CIB1: variants seen among roughly 807,000 people sequenced by gnomAD.
The protein encoded by CIB1 is calcium and integrin binding 1, also known as calcium and integrin-binding protein 1.
Under a neutral mutation model 25.0 loss-of-function variants are expected in CIB1, and 19 were observed. The observed-to-expected ratio is 0.76, with a 90% CI of 0.53 to 1.12. CIB1 has a LOEUF of 1.12. CIB1 is among the 50% of genes most tolerant of loss of function. The pLI is 0.00. For synonymous variants in CIB1, 104 were observed against 98.5 expected, an observed-to-expected ratio of 1.06 and a Z score of -0.33; for missense variants, 236 against 242.6, an observed-to-expected ratio of 0.97 and a Z score of 0.18.
chr15:90,257,422 C>T, the CIB1 span: 25 of 1,299,188 alleles, frequency 1.9e-5, no homozygotes, highest in Non-Finnish European at 2.6e-5. Context: ...AGCTGGGAGG[C>T]AAGTGTTTGG....
chr15:90,233,741 T>C, intron 1 of CIB1, 38 bp from the exon 2 acceptor site: 2 of 1,558,994 alleles, frequency 1.3e-6, no homozygotes, highest in Middle Eastern at 1.8e-4. Flanking sequence ...AGCGGACCGC[T>C]GGGAGGCCGC....
the CIB1 span, chr15:90,253,478 G>T: frequency 1.6e-6 from 1 of 634,474 alleles, no homozygotes. Context: ...GTCCCCTTGT[G>T]CAGACAAGAA....
chr15:90,256,100 G>T, the CIB1 span: 1 of 1,606,452 alleles, frequency 6.2e-7, no homozygotes, highest in South Asian at 1.1e-5. Flanking sequence ...GGAAAGCCTT[G>T]ATGCACAGAA....
rs373499226 is a variant in CIB1, at chr15:90,230,438, A to G, written c.*46T>C. ...TTGACCTTGGCCACAGCTCAGCAGT[A>G]GAAAGGTTCTTGGACAGGGTGCCAG... On this transcript the variant is annotated 3_prime_UTR_variant, in exon 7 of 7. Transcript: ENST00000328649. 6.5e-7 allele frequency: 1 copy of G among 1,549,138 alleles called. No homozygotes were observed. The highest frequency in any genetic ancestry group is 8.7e-7 in the Non-Finnish European group (1 of 1,145,252).
At chr15:90,237,055 T>C (rs1370162564), upstream of CIB1, among the ~76,000 whole-genome samples, 1 of 152,034 alleles carries the variant, frequency 6.6e-6, no homozygotes, top group African/African-American at 2.4e-5. Flanking sequence ...GCCTCCCAGA[T>C]TCAAGCGATT....
At chr15:90,262,804 C>T in the CIB1 span, 14 of 1,213,702 alleles carry the variant, frequency 1.2e-5, no homozygotes, top group South Asian at 3.2e-5. Context: ...AAATTGAATC[C>T]GATCCTTTGG....
At chr15:90,246,044 C>A in the CIB1 span, among the ~76,000 whole-genome samples, 2 of 152,002 alleles carry the variant, frequency 1.3e-5, no homozygotes, top group African/African-American at 4.8e-5. Context: ...GAGGCCGAGG[C>A]GGGCAGATCA....
the CIB1 span, among the ~76,000 whole-genome samples, chr15:90,259,256 G>T: frequency 6.6e-6 from 1 of 151,986 alleles, no homozygotes; most frequent in Non-Finnish European, 1.5e-5. Context: ...GCTGGGCATG[G>T]TGACATGCCT....
the CIB1 span, chr15:90,261,925 TC>T: frequency 8.2e-7 from 1 of 1,213,156 alleles, no homozygotes; most frequent in Non-Finnish European, 1.1e-6. Context: ...CAGGAGGGTC[TC>T]CAAACCTTAG....
chr15:90,256,593 CTTT>C, the CIB1 span, among the ~76,000 whole-genome samples: 14 of 39,072 alleles, frequency 3.6e-4, no homozygotes, highest in Admixed American at 2.4e-3. Context: ...TTCTTTCTTT[CTTT>C]CTTTCTTTCT....
At chr15:90,251,131 T>C in the CIB1 span, among the ~76,000 whole-genome samples, 1 of 145,476 alleles carries the variant, frequency 6.9e-6, no homozygotes, top group Non-Finnish European at 1.5e-5. Context: ...TTTTTTTTTT[T>C]GAGACAGAGT....
the CIB1 span, among the ~76,000 whole-genome samples, chr15:90,254,074 C>T: frequency 4.6e-5 from 7 of 152,234 alleles, no homozygotes; most frequent in African/African-American, 7.2e-5. Flanking sequence ...CTTTGGGAGG[C>T]CAAGGCAGGT....
At chr15:90,264,634 G>A in the CIB1 span, 68 of 1,455,260 alleles carry the variant, frequency 4.7e-5, no homozygotes, top group Non-Finnish European at 5.6e-5. Context: ...CTTCCTCTGT[G>A]TTGGTAATTG....
chr15:90,261,485 C>A, the CIB1 span, among the ~76,000 whole-genome samples: 2 of 151,818 alleles, frequency 1.3e-5, no homozygotes, highest in South Asian at 4.2e-4. Flanking sequence ...TACGAGTAGA[C>A]CCCTCTCCAC....
At chr15:90,231,716 G>C (rs1962497915) in intron 3 of CIB1, among the ~76,000 whole-genome samples, 1 of 152,178 alleles carries the variant, frequency 6.6e-6, no homozygotes. Flanking sequence ...TGGCTTCCTG[G>C]GAGTCAAGTG....
At chr15:90,243,441 G>A in the CIB1 span, 1 of 152,116 alleles carries the variant, frequency 6.6e-6, no homozygotes, top group Admixed American at 6.6e-5. Context: ...CAAACTCTTG[G>A]TCTCAAGCCA....
chr15:90,254,491 TA>T, the CIB1 span, among the ~76,000 whole-genome samples: 3,341 of 84,188 alleles, frequency 0.04, 156 homozygotes, highest in African/African-American at 0.13. Context: ...AGACTCCATC[TA>T]AAAAAAAAAA....
intron 2 of CIB1, chr15:90,232,533 C>T (rs1429158159): frequency 1.5e-6 from 1 of 656,326 alleles, no homozygotes; most frequent in East Asian, 3.2e-5. Flanking sequence ...TGAGTATTTA[C>T]TGAGCATTTA....
At chr15:90,257,579 G>A in the CIB1 span, 81 of 1,513,800 alleles carry the variant, frequency 5.4e-5, no homozygotes, top group Admixed American at 6.8e-5. Flanking sequence ...GTAATGAAGG[G>A]CTGGAGAGGA....
Sources: gnomAD v4.1 joint callset for allele counts (sites outside exome capture counted in the v4.1 genomes callset) on GRCh38, gnomAD v4.1.1 for gene constraint, MANE v1.5 for transcripts, NCBI Gene and HGNC (gene_info 2026-07-23, HGNC 2026-07-21) for gene names.